Variants in AGFG1 observed in about 807,000 individuals in gnomAD.
AGFG1 encodes ArfGAP with FG repeats 1.
AGFG1 carries 10 observed loss-of-function variants against 60.6 expected under a neutral mutation model. The observed-to-expected ratio is 0.16, with a 90% CI of 0.10 to 0.28. AGFG1 has a LOEUF of 0.28. Among genes scored for constraint, AGFG1 ranks in the 10% least tolerant of loss-of-function variants. The probability of loss-of-function intolerance (pLI) is 1.00; values close to 1 mark genes in which losing one functional copy is unlikely to be tolerated. For missense variants in AGFG1, 537 were observed against 676.5 expected (o/e 0.79, Z 2.29); for synonymous variants, 247 against 242.9 (o/e 1.02, Z -0.16).
Position 227,551,603 on chromosome 2 carries a change from A to G in AGFG1, c.1379-356A>G, listed in dbSNP as rs1006813682. Reference sequence around the variant, plus strand: ...ATTTTACTGCATATAACAAAACAAAACTAAAAACAAAAATGTATACTAGTA... The same window carrying G: ...ATTTTACTGCATATAACAAAACAAAGCTAAAAACAAAAATGTATACTAGTA... On this transcript the variant is annotated intron_variant, in intron 10 of 12. Transcript: ENST00000310078. 6.6e-5 allele frequency among the ~76,000 whole-genome samples: 10 copies of G among 152,294 alleles called. No homozygotes were observed. The South Asian group carries it at 1.9e-3, about 28-fold the overall frequency.
chr2:227,545,197 T>C (rs1692609410), intron 10 of AGFG1, among the ~76,000 whole-genome samples: 2 of 152,200 alleles, frequency 1.3e-5, no homozygotes, highest in Non-Finnish European at 2.9e-5. Flanking sequence ...TCTCACTTTA[T>C]TTCATTCATT....
intron 10 of AGFG1, among the ~76,000 whole-genome samples, chr2:227,544,935 C>G (rs2106236099): frequency 6.6e-6 from 1 of 152,212 alleles, no homozygotes; most frequent in South Asian, 2.1e-4. Context: ...AATTATGTAT[C>G]TTGGCGTTGC....
intron 10 of AGFG1, among the ~76,000 whole-genome samples, chr2:227,537,833 T>C (rs183718032): frequency 7.3e-4 from 111 of 152,300 alleles, no homozygotes; most frequent in Non-Finnish European, 7.5e-4. Flanking sequence ...CTTGAGAGAT[T>C]AGGTACTTGT....
At chr2:227,541,814 C>A (rs1291755145) in intron 10 of AGFG1, among the ~76,000 whole-genome samples, 3 of 152,034 alleles carry the variant, frequency 2.0e-5, no homozygotes, top group Admixed American at 6.6e-5. Flanking sequence ...GATATTGATT[C>A]TTCCTATCCA....
chr2:227,504,398 G>C (rs1691250389), intron 2 of AGFG1, among the ~76,000 whole-genome samples: 1 of 152,030 alleles, frequency 6.6e-6, no homozygotes, highest in African/African-American at 2.4e-5. Flanking sequence ...TCACTATGTT[G>C]CCCAGGCTGG....
chr2:227,489,334 G>A (rs1690732771), intron 1 of AGFG1, among the ~76,000 whole-genome samples: 1 of 143,368 alleles, frequency 7.0e-6, no homozygotes. Flanking sequence ...GGGGTCAAGC[G>A]ATTCTCCTGC....
chr2:227,487,175 A>G (rs1035754050), intron 1 of AGFG1, among the ~76,000 whole-genome samples: 1 of 152,218 alleles, frequency 6.6e-6, no homozygotes, highest in Non-Finnish European at 1.5e-5. Flanking sequence ...GTTCACATTC[A>G]TAAAGCCAAG....
At chr2:227,499,715 G>T (rs1035685812) in intron 2 of AGFG1, among the ~76,000 whole-genome samples, 1 of 152,158 alleles carries the variant, frequency 6.6e-6, no homozygotes, top group African/African-American at 2.4e-5. Context: ...GATTGGACTG[G>T]AATGGACCTG....
In AGFG1 at chr2:227,524,773, A is replaced by G. The variant is rs1662529154; in HGVS notation, c.552A>G (p.Val184=). Residue 184 remains valine (V), a synonymous_variant, in exon 5 of 13, where the codon GTA becomes GTG. Transcript: ENST00000310078. ...TATGTGGTTTGTAGTCCCCAGTTGTAGGTCGTTCTCAAGGGCAGCAGCAGG... is the reference window on the plus strand; with the variant it reads ...TATGTGGTTTGTAGTCCCCAGTTGTGGGTCGTTCTCAAGGGCAGCAGCAGG... ...NKGTPSQSPV[V]GRSQGQQQEK... 6.2e-7 allele frequency: 1 copy of G among 1,614,012 alleles called. No individual in the cohort carries two copies. Among genetic ancestry groups the G allele is most frequent in the Admixed American group, 1.7e-5 (1 of 59,998 alleles).
chr2:227,481,739 A>T (rs1459660440), intron 1 of AGFG1, among the ~76,000 whole-genome samples: 1 of 152,154 alleles, frequency 6.6e-6, no homozygotes, highest in African/African-American at 2.4e-5. Context: ...TGATACAGGC[A>T]TGCAGTATGA....
intron 1 of AGFG1, among the ~76,000 whole-genome samples, chr2:227,478,081 A>G (rs1234037557): frequency 6.6e-6 from 1 of 152,068 alleles, no homozygotes; most frequent in Non-Finnish European, 1.5e-5. Flanking sequence ...TGCCGTTCCA[A>G]CAGCGATTCT....
intron 8 of AGFG1, among the ~76,000 whole-genome samples, chr2:227,536,288 T>A (rs1419219755): frequency 6.6e-6 from 1 of 152,048 alleles, no homozygotes; most frequent in East Asian, 1.9e-4. Context: ...TTTCTGTCCT[T>A]GTGATATAGT....
intron 1 of AGFG1, among the ~76,000 whole-genome samples, chr2:227,478,806 ATTC>A (rs1288719997): frequency 1.3e-5 from 2 of 152,184 alleles, no homozygotes; most frequent in African/African-American, 4.8e-5. Context: ...TGAATGCTGA[ATTC>A]TTCTAGATTT....
In AGFG1 at chr2:227,556,896, T is replaced by C. The variant is rs1332631898; in HGVS notation, c.*2401T>C. The C allele has an allele frequency of 6.6e-6, 1 of 152,126 alleles. No homozygotes were observed. The highest frequency in any genetic ancestry group is 2.4e-5 in the African/African-American group (1 of 41,412). 9.4% of individuals were successfully genotyped at this position (152,126 alleles called of 1,614,324 possible). ...CTGCAGTGCGCTACGATCACACCACTGCACACCAGCCTGGGGATAGAGTGA... is the reference window on the plus strand; with the variant it reads ...CTGCAGTGCGCTACGATCACACCACCGCACACCAGCCTGGGGATAGAGTGA... On this transcript the variant is annotated 3_prime_UTR_variant, in exon 13 of 13. Coordinates refer to ENST00000310078, the MANE Select transcript of AGFG1 (RefSeq NM_004504.5).
At chr2:227,517,951 T>C (rs1304223157) in intron 2 of AGFG1, among the ~76,000 whole-genome samples, 1 of 152,206 alleles carries the variant, frequency 6.6e-6, no homozygotes, top group African/African-American at 2.4e-5. Flanking sequence ...AATAACAAGA[T>C]AGCATATATT....
At chr2:227,494,736 A>G (rs992790545) in intron 2 of AGFG1, among the ~76,000 whole-genome samples, 1 of 152,244 alleles carries the variant, frequency 6.6e-6, no homozygotes, top group East Asian at 1.9e-4. Flanking sequence ...TCTTCTGCAT[A>G]TATAATTTAA....
At chr2:227,523,736 T>C in intron 3 of AGFG1, 27 bp from the exon 4 acceptor site, 1 of 1,583,494 alleles carries the variant, frequency 6.3e-7, no homozygotes, top group South Asian at 1.1e-5. Context: ...CATTTTTTTT[T>C]AGTTAACTGT....
chr2:227,548,666 A>G (rs1692722527), intron 10 of AGFG1, among the ~76,000 whole-genome samples: 1 of 152,190 alleles, frequency 6.6e-6, no homozygotes, highest in African/African-American at 2.4e-5. Flanking sequence ...GGCCGGGTGC[A>G]GTGGCTCACG....
chr2:227,496,156 C>T (rs926927593), intron 2 of AGFG1, among the ~76,000 whole-genome samples: 4 of 150,334 alleles, frequency 2.7e-5, no homozygotes, highest in Non-Finnish European at 5.9e-5. Context: ...TATTAATGCT[C>T]CACAGGCATG....
Sources: allele counts gnomAD v4.1 joint callset (sites outside exome capture counted in the v4.1 genomes callset), GRCh38; gene constraint gnomAD v4.1.1; transcripts MANE v1.5; gene names NCBI Gene and HGNC (gene_info 2026-07-23, HGNC 2026-07-21).